The following PPP6R2 variants were observed in gnomAD, a reference collection of about 807,000 sequenced individuals.
The protein encoded by PPP6R2 is serine/threonine-protein phosphatase 6 regulatory subunit 2.
Under a neutral mutation model 100.2 loss-of-function variants are expected in PPP6R2, and 62 were observed. The ratio of observed to expected loss-of-function variants is 0.62; its 90% confidence interval spans 0.50 to 0.76. PPP6R2 has a LOEUF of 0.76. PPP6R2 is among the 30% of genes least tolerant of loss of function. The probability of loss-of-function intolerance (pLI) is 0.00; values close to 1 mark genes in which losing one functional copy is unlikely to be tolerated. For missense variants in PPP6R2, 1,142 were observed against 1,276.3 expected (o/e 0.89, Z 1.60); for synonymous variants, 525 against 514.7 (o/e 1.02, Z -0.27).
chr22:50,387,143 C>T (rs904561099), intron 2 of PPP6R2, among the ~76,000 whole-genome samples: 5 of 152,164 alleles, frequency 3.3e-5, no homozygotes, highest in Admixed American at 3.3e-4. Context: ...TCAGGGCAGC[C>T]TCAACCTCCT....
At chr22:50,356,215 C>T (rs984695855) in intron 1 of PPP6R2, among the ~76,000 whole-genome samples, 7 of 151,996 alleles carry the variant, frequency 4.6e-5, no homozygotes, top group Non-Finnish European at 7.4e-5. Context: ...CTGCCTGCCT[C>T]GGCCTCCCAA....
At chr22:50,353,977 C>T (rs2045901618) in intron 1 of PPP6R2, among the ~76,000 whole-genome samples, 1 of 152,060 alleles carries the variant, frequency 6.6e-6, no homozygotes, top group African/African-American at 2.4e-5. Context: ...TTTGTGTGTT[C>T]TTGTTTATGT....
intron 1 of PPP6R2, among the ~76,000 whole-genome samples, chr22:50,359,250 G>C (rs1447585310): frequency 8.4e-6 from 1 of 119,742 alleles, no homozygotes; most frequent in Non-Finnish European, 1.6e-5. Flanking sequence ...ACTGAGTCTT[G>C]CTCTGTCGCC....
At chr22:50,381,788 G>A (rs1234019931) in intron 2 of PPP6R2, among the ~76,000 whole-genome samples, 3 of 151,804 alleles carry the variant, frequency 2.0e-5, no homozygotes, top group Non-Finnish European at 4.4e-5. Context: ...GGCTCCCGTA[G>A]TCCCAGCTAC....
chr22:50,435,087 C>T lies in PPP6R2; in HGVS notation c.1516+6C>T, dbSNP rs746780875. ...CATCAGCGAGGTCATCCGAGGTGAG[C>T]CCCCAACCCGGTCATCCTTCTGCTG... is the stretch of plus-strand genomic sequence containing the variant. On this transcript the variant is annotated splice_donor_region_variant and intron_variant, in intron 13 of 23. Coordinates refer to ENST00000612753, the MANE Select transcript of PPP6R2 (RefSeq NM_001242898.2). 3 of 1,524,992 alleles carry T rather than the reference C, an allele frequency of 2.0e-6. No individual in the cohort carries two copies. Among genetic ancestry groups the T allele is most frequent in the Admixed American group, 2.0e-5 (1 of 50,016 alleles). 94.5% of individuals were successfully genotyped at this position (1,524,992 alleles called of 1,614,324 possible).
chr22:50,341,909 C>G (rs192696011), upstream of PPP6R2, among the ~76,000 whole-genome samples: 91 of 152,006 alleles, frequency 6.0e-4, no homozygotes, highest in African/African-American at 2.1e-3. Context: ...AGGAGAATGG[C>G]GTGAACCCAG....
At chr22:50,412,564 A>AT (rs1418075327) in intron 4 of PPP6R2, among the ~76,000 whole-genome samples, 1 of 144,480 alleles carries the variant, frequency 6.9e-6, no homozygotes, top group African/African-American at 2.6e-5. Flanking sequence ...TTAATTATAG[A>AT]TTTTGTGGAG....
chr22:50,353,817 CT>C (rs111868603), intron 1 of PPP6R2, among the ~76,000 whole-genome samples: 31,349 of 137,242 alleles, frequency 0.23, 4,871 homozygotes, highest in African/African-American at 0.48. Context: ...AAGCCTCTCC[CT>C]TTTTTTTTTT....
In PPP6R2 at chr22:50,401,070, G is replaced by A. The variant is rs528907440; in HGVS notation, c.228-5619G>A. Among the ~76,000 whole-genome samples, 5 of 151,924 alleles carry A rather than the reference G, an allele frequency of 3.3e-5. 1 individual carries two copies. The highest frequency in any genetic ancestry group is 9.6e-5 in the African/African-American group (4 of 41,492). ...TTTCAAAGTTCTACCATTATTTTTTGTTTGTTTTTTAGATGTGAGGTCTTG... is the reference window on the plus strand; with the variant it reads ...TTTCAAAGTTCTACCATTATTTTTTATTTGTTTTTTAGATGTGAGGTCTTG... On this transcript the variant is annotated intron_variant, in intron 3 of 23. Transcript: ENST00000612753.
the PPP6R2 span, among the ~76,000 whole-genome samples, chr22:50,336,513 CT>C: frequency 1.3e-5 from 2 of 151,930 alleles, no homozygotes; most frequent in African/African-American, 4.8e-5. Flanking sequence ...GTAGCTGGGA[CT>C]ACAGTCGTGC....
At chr22:50,352,056 A>G (rs111506754) in intron 1 of PPP6R2, among the ~76,000 whole-genome samples, 4 of 151,820 alleles carry the variant, frequency 2.6e-5, no homozygotes, top group African/African-American at 9.7e-5. Flanking sequence ...CGGCCTCCCA[A>G]AGTGCTGGGA....
At chr22:50,381,700 C>A (rs1313873258) in intron 2 of PPP6R2, among the ~76,000 whole-genome samples, 3 of 151,932 alleles carry the variant, frequency 2.0e-5, no homozygotes, top group African/African-American at 7.2e-5. Flanking sequence ...GCGGGTGGAT[C>A]ACGAGATCAG....
At chr22:50,386,993 C>T (rs1031452473) in intron 2 of PPP6R2, among the ~76,000 whole-genome samples, 6 of 152,128 alleles carry the variant, frequency 3.9e-5, no homozygotes, top group East Asian at 1.9e-4. Flanking sequence ...CCTGCTCTTC[C>T]GCGGTACCTT....
the PPP6R2 span, among the ~76,000 whole-genome samples, chr22:50,332,869 G>A: frequency 9.7e-3 from 1,479 of 152,192 alleles, 10 homozygotes; most frequent in Non-Finnish European, 0.015. Flanking sequence ...TGATCCACCC[G>A]CCTCTGCCTC....
upstream of PPP6R2, among the ~76,000 whole-genome samples, chr22:50,340,449 GTGT>G (rs1485564515): frequency 3.2e-5 from 4 of 126,272 alleles, no homozygotes; most frequent in African/African-American, 1.2e-4. Flanking sequence ...GTGGTATGTG[GTGT>G]GTGTGTGGTA....
intron 2 of PPP6R2, among the ~76,000 whole-genome samples, chr22:50,383,342 G>A (rs1190820110): frequency 1.3e-5 from 2 of 152,118 alleles, no homozygotes. Context: ...TTCATTTCGA[G>A]TCCTTTTGGA....
At chr22:50,399,604 CTG>C (rs1440107537) in intron 3 of PPP6R2, among the ~76,000 whole-genome samples, 1 of 152,274 alleles carries the variant, frequency 6.6e-6, no homozygotes, top group Non-Finnish European at 1.5e-5. Flanking sequence ...CCTGAGCTGT[CTG>C]TGCTCAAGAG....
Position 50,439,846 on chromosome 22 carries a change from A to C in PPP6R2, c.2274A>C (p.Gln758His), listed in dbSNP as rs3197201. The C allele has an allele frequency of 6.2e-7, 1 of 1,613,016 alleles. No homozygotes were observed. Among genetic ancestry groups the C allele is most frequent in the East Asian group, 2.2e-5 (1 of 44,866 alleles). The part of the protein sequence containing the change: ...EKGWAKFTDF[Q>H]PFCCSESGPR... Reference sequence around the variant, plus strand: ...GCTGGGCCAAGTTCACTGACTTCCAACCTTTCTGCTGGTAACAAATGCGCT... The same window carrying C: ...GCTGGGCCAAGTTCACTGACTTCCACCCTTTCTGCTGGTAACAAATGCGCT... The change falls in exon 20 of 24, where the codon CAA becomes CAC. Residue 758 changes from glutamine (Q) to histidine (H), a missense_variant. This residue lies in a region of PPP6R2 where 550 missense variants were observed against 517.4 expected (regional missense o/e 1.06). Coordinates refer to ENST00000612753, the MANE Select transcript of PPP6R2 (RefSeq NM_001242898.2).
At position 50,438,287 on chromosome 22, in the gene PPP6R2, G is replaced by A. The variant is rs780846862; in HGVS notation, c.1953G>A (p.Met651Ile). 6.2e-7 allele frequency: 1 copy of A among 1,612,436 alleles called. No homozygotes were observed. Among genetic ancestry groups the A allele is most frequent in the Non-Finnish European group, 8.5e-7 (1 of 1,179,356 alleles). Residue 651 changes from methionine to isoleucine, a missense_variant, in exon 18 of 24, where the codon ATG (methionine) becomes ATA (isoleucine). By Grantham distance (10) the Met-to-Ile change is conservative (BLOSUM62 1). Around this residue, in one of 2 missense-constraint regions of PPP6R2, gnomAD observed 550 missense variants for 517.4 expected, o/e 1.06. Coordinates refer to ENST00000612753, the MANE Select transcript of PPP6R2 (RefSeq NM_001242898.2). ...DSDTRCAARV[M>I]ARPRFGAPHA... Reference sequence around the variant, plus strand: ...ACACTCGCTGTGCTGCCCGGGTGATGGCCAGACCCAGGTGCGGGGCCTGCC... The same window carrying A: ...ACACTCGCTGTGCTGCCCGGGTGATAGCCAGACCCAGGTGCGGGGCCTGCC...
Sources: gnomAD v4.1 joint callset for allele counts (sites outside exome capture counted in the v4.1 genomes callset) on GRCh38, gnomAD v4.1.1 for gene constraint, gnomAD v4.1.1 regional missense constraint, MANE v1.5 for transcripts, NCBI Gene and HGNC (gene_info 2026-07-23, HGNC 2026-07-21) for gene names.